The following TRPM3 variants were observed in gnomAD, a reference collection of about 807,000 sequenced individuals.
TRPM3 encodes transient receptor potential cation channel subfamily M member 3.
In TRPM3, 77 loss-of-function variants were observed where a neutral mutation model predicts 181.2. That is an observed-to-expected ratio of 0.42 (90% CI 0.35 to 0.51). The LOEUF is 0.51. TRPM3 is among the 20% of genes least tolerant of loss of function. TRPM3 has a pLI of 0.01. For synonymous variants in TRPM3, 745 were observed against 796.4 expected (o/e 0.94, Z 1.09); for missense variants, 1,759 against 2,196.7 (o/e 0.80, Z 3.98).
chr9:70,804,713 C>T (rs6560154), intron 6 of TRPM3, among the ~76,000 whole-genome samples: 1 of 151,620 alleles, frequency 6.6e-6, no homozygotes, highest in Non-Finnish European at 1.5e-5. Flanking sequence ...CCCTTCCCTT[C>T]TCTTCTCCCC....
chr9:70,907,801 C>T (rs1026498774), intron 1 of TRPM3, among the ~76,000 whole-genome samples: 1 of 152,104 alleles, frequency 6.6e-6, no homozygotes, highest in Non-Finnish European at 1.5e-5. Context: ...TGAGAACATA[C>T]GGTATTTGGT....
intron 1 of TRPM3, among the ~76,000 whole-genome samples, chr9:71,154,678 C>T (rs1343419533): frequency 6.6e-6 from 1 of 152,112 alleles, no homozygotes; most frequent in East Asian, 1.9e-4. Flanking sequence ...CCTTGGCAGT[C>T]CTAGAAACTG....
At chr9:70,842,962 T>A (rs1035514063) in intron 5 of TRPM3, 41 bp downstream of exon 5, 1 of 1,606,672 alleles carries the variant, frequency 6.2e-7, no homozygotes, top group Non-Finnish European at 8.5e-7. Flanking sequence ...TGATATCCCC[T>A]CTAGGAGAAG....
chr9:70,754,091 G>A (rs1056683248), intron 8 of TRPM3, among the ~76,000 whole-genome samples: 2 of 152,146 alleles, frequency 1.3e-5, no homozygotes, highest in African/African-American at 4.8e-5. Context: ...TGGCAGTGGC[G>A]ATAGAGGAAG....
At chr9:70,562,763 T>G (rs534192698) in intron 22 of TRPM3, among the ~76,000 whole-genome samples, 1 of 152,300 alleles carries the variant, frequency 6.6e-6, no homozygotes, top group African/African-American at 2.4e-5. Context: ...GGCTTCAAAA[T>G]TCTAACCTTA....
intron 1 of TRPM3, among the ~76,000 whole-genome samples, chr9:71,236,099 T>C (rs1171943666): frequency 1.3e-5 from 2 of 152,208 alleles, no homozygotes; most frequent in East Asian, 3.9e-4. Context: ...TTAACAGGCA[T>C]AACCTACAAA....
intron 1 of TRPM3, among the ~76,000 whole-genome samples, chr9:71,027,156 C>T (rs2056657396): frequency 6.6e-6 from 1 of 152,156 alleles, no homozygotes. Context: ...AAAGCCAGGG[C>T]CCAATATCAG....
At chr9:70,759,903 A>G (rs2077777957) in intron 8 of TRPM3, among the ~76,000 whole-genome samples, 1 of 152,142 alleles carries the variant, frequency 6.6e-6, no homozygotes, top group African/African-American at 2.4e-5. Flanking sequence ...TGATTGGTGC[A>G]GCACATGTAT....
At chr9:70,817,441 T>C (rs80202715) in intron 6 of TRPM3, among the ~76,000 whole-genome samples, 1 of 152,198 alleles carries the variant, frequency 6.6e-6, no homozygotes, top group Non-Finnish European at 1.5e-5. Context: ...GCTGAACTCA[T>C]GTTCAGAGTA....
intron 1 of TRPM3, among the ~76,000 whole-genome samples, chr9:71,217,172 G>C (rs991760590): frequency 6.6e-6 from 1 of 151,388 alleles, no homozygotes. Context: ...GGATGGTCTC[G>C]ATCTCCTGAC....
At chr9:70,996,024 T>C (rs2097538524) in intron 1 of TRPM3, among the ~76,000 whole-genome samples, 2 of 152,224 alleles carry the variant, frequency 1.3e-5, no homozygotes, top group Non-Finnish European at 1.5e-5. Context: ...CCCAGTGGAC[T>C]GAGAACAGCT....
intron 8 of TRPM3, among the ~76,000 whole-genome samples, chr9:70,757,349 A>G (rs2135211081): frequency 6.6e-6 from 1 of 152,344 alleles, no homozygotes; most frequent in South Asian, 2.1e-4. Context: ...TTAATAGCCT[A>G]CCAACCAATA....
chr9:70,686,097 A>C (rs951878273), intron 8 of TRPM3, among the ~76,000 whole-genome samples: 1 of 151,262 alleles, frequency 6.6e-6, no homozygotes, highest in African/African-American at 2.4e-5. Flanking sequence ...TAATATATGT[A>C]ATATATACAC....
intron 25 of TRPM3, among the ~76,000 whole-genome samples, chr9:70,538,582 C>T (rs1167929518): frequency 2.6e-5 from 4 of 151,800 alleles, no homozygotes. Context: ...GTGGATGCTA[C>T]CATGCTAGCT....
chr9:71,097,866 C>A (rs994899027), intron 1 of TRPM3, among the ~76,000 whole-genome samples: 1 of 152,014 alleles, frequency 6.6e-6, no homozygotes, highest in Non-Finnish European at 1.5e-5. Context: ...CTAGCAGCTG[C>A]CAAATATCAC....
intron 1 of TRPM3, among the ~76,000 whole-genome samples, chr9:71,304,951 T>C (rs890787913): frequency 5.3e-5 from 8 of 152,130 alleles, no homozygotes; most frequent in African/African-American, 1.9e-4. Context: ...TTCCCACTAG[T>C]TGAACATTTT....
chr9:71,336,662 A>T (rs112272995), intron 1 of TRPM3, among the ~76,000 whole-genome samples: 2 of 152,194 alleles, frequency 1.3e-5, no homozygotes, highest in African/African-American at 4.8e-5. Context: ...CTAAGCAAAA[A>T]GAATAAAGCT....
At chr9:70,695,362 A>G (rs373707207) in intron 8 of TRPM3, among the ~76,000 whole-genome samples, 1 of 152,354 alleles carries the variant, frequency 6.6e-6, no homozygotes, top group Non-Finnish European at 1.5e-5. Flanking sequence ...TAAGTCACAC[A>G]GCACAATTTC....
chr9:71,444,548 A>G (rs1436235820), intron 1 of TRPM3, among the ~76,000 whole-genome samples: 1 of 152,226 alleles, frequency 6.6e-6, no homozygotes, highest in Non-Finnish European at 1.5e-5. Context: ...AAGAATAAAT[A>G]AAGAACAGCA....
Sources: allele counts gnomAD v4.1 joint callset (sites outside exome capture counted in the v4.1 genomes callset), GRCh38; gene constraint gnomAD v4.1.1; transcripts MANE v1.5; gene names NCBI Gene and HGNC (gene_info 2026-07-23, HGNC 2026-07-21).